Variants in CORO2A observed in about 807,000 individuals in gnomAD.
CORO2A encodes coronin-2A.
Under a neutral mutation model 62.4 loss-of-function variants are expected in CORO2A, and 47 were observed. That is an observed-to-expected ratio of 0.75 (90% CI 0.60 to 0.96). The LOEUF is 0.96. Among genes scored for constraint, CORO2A ranks in the 40% least tolerant of loss-of-function variants. The probability of loss-of-function intolerance (pLI) is 0.00; values close to 1 mark genes in which losing one functional copy is unlikely to be tolerated. For synonymous variants in CORO2A, 273 were observed against 268.9 expected (o/e 1.02, Z -0.15); for missense variants, 610 against 684.1 (o/e 0.89, Z 1.21).
chr9:98,187,438 G>A (rs572644901), intron 1 of CORO2A, among the ~76,000 whole-genome samples: 73 of 145,680 alleles, frequency 5.0e-4, no homozygotes, highest in African/African-American at 1.7e-3. Context: ...CAGCCTAGGC[G>A]GCTGGGCGAA....
At position 98,171,590 on chromosome 9, in the gene CORO2A, A is replaced by C. The variant is rs1261813034; in HGVS notation, c.1-13930T>G. The stretch of plus-strand genomic sequence containing the variant: ...CTGCAAGTTGCAGCAGGGAGATGGA[A>C]ATCTGGGAAGTCAGGGAGGGCCCCC... On this transcript the variant is annotated intron_variant, in intron 1 of 11. Transcript: ENST00000375077. Among the ~76,000 whole-genome samples the C allele has an allele frequency of 4.6e-5, 7 of 152,232 alleles. No individual in the cohort carries two copies. The East Asian group carries it at 1.4e-3, about 29-fold the overall frequency.
intron 1 of CORO2A, among the ~76,000 whole-genome samples, chr9:98,180,398 C>T (rs554896033): frequency 1.3e-5 from 2 of 152,082 alleles, no homozygotes; most frequent in East Asian, 1.9e-4. Flanking sequence ...TCCATCCCCT[C>T]GCAGGCCATG....
intron 1 of CORO2A, among the ~76,000 whole-genome samples, chr9:98,174,255 C>T (rs1414151999): frequency 6.6e-6 from 1 of 152,178 alleles, no homozygotes; most frequent in African/African-American, 2.4e-5. Context: ...CTCTCTGTGC[C>T]TCAGTTTCCT....
At chr9:98,184,011 G>A (rs183898845) in intron 1 of CORO2A, among the ~76,000 whole-genome samples, 1 of 152,198 alleles carries the variant, frequency 6.6e-6, no homozygotes, top group African/African-American at 2.4e-5. Context: ...TTTACATTGT[G>A]TTAGGCATTG....
At position 98,122,860 on chromosome 9, in the gene CORO2A, C is replaced by T. The variant is rs701378; in HGVS notation, c.*1914G>A. 46,690 of 152,048 alleles carry T rather than the reference C, an allele frequency of 0.31. 8,204 individuals are homozygous for T. The highest frequency in any genetic ancestry group is 0.56 in the East Asian group (2,870 of 5,156). 9.4% of individuals were successfully genotyped at this position (152,048 alleles called of 1,614,324 possible). On this transcript the variant is annotated 3_prime_UTR_variant, in exon 12 of 12. Transcript: ENST00000375077. The stretch of plus-strand genomic sequence containing the variant: ...GTCATGGGCACAGTTCTGAAGTCTG[C>T]GTCCCTCCATAAGGGACAGCATCTA...
chr9:98,168,583 GCAGGGGTTC>G (rs1454060340), intron 1 of CORO2A, among the ~76,000 whole-genome samples: 1 of 152,196 alleles, frequency 6.6e-6, no homozygotes, highest in African/African-American at 2.4e-5. Context: ...ACACTCTCTC[GCAGGGGTTC>G]CTGGACACTT....
intron 3 of CORO2A, among the ~76,000 whole-genome samples, chr9:98,136,286 A>G (rs766119816): frequency 6.6e-6 from 1 of 152,100 alleles, no homozygotes; most frequent in Non-Finnish European, 1.5e-5. Context: ...TTCTCACAGG[A>G]CCTGATTGTC....
chr9:98,147,092 C>A (rs1827652677), intron 2 of CORO2A, among the ~76,000 whole-genome samples: 1 of 151,942 alleles, frequency 6.6e-6, no homozygotes. Context: ...CATAGTGAGA[C>A]CCCATCTCTA....
intron 1 of CORO2A, among the ~76,000 whole-genome samples, chr9:98,162,075 G>A (rs1417636738): frequency 6.6e-6 from 1 of 152,212 alleles, no homozygotes; most frequent in Non-Finnish European, 1.5e-5. Context: ...TTCCATGCAT[G>A]AATAGAGCAA....
intron 2 of CORO2A, among the ~76,000 whole-genome samples, chr9:98,138,313 G>A (rs976754164): frequency 4.6e-5 from 7 of 151,854 alleles, no homozygotes; most frequent in African/African-American, 1.7e-4. Context: ...TACTCAGGAG[G>A]CTGAGGTAGA....
At position 98,126,651 on chromosome 9, in the gene CORO2A, C is replaced by G; in HGVS notation, c.1344G>C (p.Lys448Asn). Reference sequence around the variant, plus strand: ...TGTGTTCTGCTGCCCACCTTGGCATCTTCTCCTCCAACAGGGAGGAAGACC... The same window carrying G: ...TGTGTTCTGCTGCCCACCTTGGCATGTTCTCCTCCAACAGGGAGGAAGACC... ...GWRSSSLLEE[K>N]MPRWAAEHRL... Residue 448 changes from lysine (K) to asparagine (N), a missense_variant, in exon 11 of 12, where the codon AAG (lysine) becomes AAC (asparagine). Lys to Asn is a moderately conservative substitution (Grantham distance 94, BLOSUM62 0). Coordinates refer to ENST00000375077, the MANE Select transcript of CORO2A (RefSeq NM_052820.4). 1 of 1,614,236 alleles carries G rather than the reference C, an allele frequency of 6.2e-7. No individual in the cohort carries two copies. Among genetic ancestry groups the G allele is most frequent in the Non-Finnish European group, 8.5e-7 (1 of 1,180,048 alleles).
intron 1 of CORO2A, among the ~76,000 whole-genome samples, chr9:98,178,651 G>A (rs1395955577): frequency 2.0e-5 from 3 of 152,182 alleles, no homozygotes; most frequent in Non-Finnish European, 4.4e-5. Flanking sequence ...CATGAGACAG[G>A]AGACTCCTGG....
At position 98,157,574 on chromosome 9, in the gene CORO2A, C is replaced by A; in HGVS notation, c.87G>T (p.Val29=). 1.2e-6 allele frequency: 2 copies of A among 1,614,150 alleles called. No individual in the cohort carries two copies. The highest frequency in any genetic ancestry group is 3.3e-5 in the Admixed American group (2 of 60,016). ...TGTCGTGAACGCTGCGGGTGATAGG[C>A]ACGGAGTCGTAGCAGTTCTCCTTGC... ...PASKENCYDS[V]PITRSVHDNH... The change falls in exon 2 of 12, where the codon GTG becomes GTT. Residue 29 remains valine (V), a synonymous_variant. Coordinates refer to ENST00000375077, the MANE Select transcript of CORO2A (RefSeq NM_052820.4).
At chr9:98,178,649 A>G (rs1828139902) in intron 1 of CORO2A, among the ~76,000 whole-genome samples, 1 of 152,138 alleles carries the variant, frequency 6.6e-6, no homozygotes, top group South Asian at 2.1e-4. Context: ...CACATGAGAC[A>G]GGAGACTCCT....
chr9:98,166,309 T>C (rs544790863), intron 1 of CORO2A, among the ~76,000 whole-genome samples: 30 of 152,292 alleles, frequency 2.0e-4, no homozygotes, highest in African/African-American at 7.0e-4. Context: ...GGCTTGGCAA[T>C]GATTCCTTGG....
chr9:98,178,906 C>T (rs942670576), intron 1 of CORO2A, among the ~76,000 whole-genome samples: 2 of 152,104 alleles, frequency 1.3e-5, no homozygotes. Flanking sequence ...GAAACAAGAA[C>T]CTGAGAAGGG....
chr9:98,142,229 C>G (rs1827578398), intron 2 of CORO2A, among the ~76,000 whole-genome samples: 3 of 152,226 alleles, frequency 2.0e-5, no homozygotes, highest in Admixed American at 2.0e-4. Flanking sequence ...GCGAATGGAT[C>G]CCAGCACCCT....
At chr9:98,126,237 T>G (rs1392322244) in intron 11 of CORO2A, among the ~76,000 whole-genome samples, 2 of 151,860 alleles carry the variant, frequency 1.3e-5, no homozygotes, top group African/African-American at 4.8e-5. Context: ...GGTTTCACTA[T>G]GTTGGCCATG....
chr9:98,169,699 A>G (rs1386444292), intron 1 of CORO2A, among the ~76,000 whole-genome samples: 1 of 152,204 alleles, frequency 6.6e-6, no homozygotes, highest in East Asian at 1.9e-4. Context: ...CCCTCAAAGC[A>G]TCGTGCTTTT....
Sources: gnomAD v4.1 joint callset for allele counts (sites outside exome capture counted in the v4.1 genomes callset) on GRCh38, gnomAD v4.1.1 for gene constraint, MANE v1.5 for transcripts, NCBI Gene and HGNC (gene_info 2026-07-23, HGNC 2026-07-21) for gene names.